The following USP6NL variants were observed in gnomAD, a reference collection of about 807,000 sequenced individuals.
The protein encoded by USP6NL is USP6 N-terminal-like protein.
USP6NL carries 26 observed loss-of-function variants against 61.9 expected under a neutral mutation model. The observed-to-expected ratio is 0.42, with a 90% CI of 0.31 to 0.58. The LOEUF (loss-of-function observed/expected upper bound fraction) is 0.58, where lower values mean the gene tolerates loss of function less well. Ranked by LOEUF, USP6NL falls within the 20% of genes least tolerant of loss-of-function variation. USP6NL has a pLI of 0.16. For missense variants in USP6NL, 1,114 were observed against 1,034.3 expected (o/e 1.08, Z -1.06); for synonymous variants, 432 against 390.1 (o/e 1.11, Z -1.27).
At chr10:11,588,440 T>A (rs908528200) in intron 2 of USP6NL, among the ~76,000 whole-genome samples, 4 of 152,220 alleles carry the variant, frequency 2.6e-5, no homozygotes, top group Non-Finnish European at 5.9e-5. Flanking sequence ...GCATGATACA[T>A]GCAACCTACT....
At position 11,499,408 on chromosome 10, in the gene USP6NL, A is replaced by G. The variant is rs938966927; in HGVS notation, c.384+1693T>C. Among the ~76,000 whole-genome samples the G allele has an allele frequency of 2.0e-5, 3 of 152,232 alleles. No homozygotes were observed. Among genetic ancestry groups the G allele is most frequent in the East Asian group, 1.9e-4 (1 of 5,204 alleles). On this transcript the variant is annotated intron_variant, in intron 7 of 14. Transcript: ENST00000609104. This position sits in a 1 kb window ranked among gnomAD's most constrained non-coding sequence, Gnocchi z 4.5. ...ATTCTACATAGAAAAAGTCTAAAAT[A>G]TAACTGAAAATTAGAGTACTATTAG...
At chr10:11,471,944 G>A (rs928269378) in intron 14 of USP6NL, among the ~76,000 whole-genome samples, 13 of 149,086 alleles carry the variant, frequency 8.7e-5, no homozygotes, top group African/African-American at 3.2e-4. Flanking sequence ...CCTGCACATT[G>A]TGCACATGTA....
Position 11,518,224 on chromosome 10 carries a change from C to G in USP6NL, c.195+311G>C, listed in dbSNP as rs1835039432. Among the ~76,000 whole-genome samples, 2 of 152,166 alleles carry G rather than the reference C, an allele frequency of 1.3e-5. No individual in the cohort carries two copies. Among genetic ancestry groups the G allele is most frequent in the African/African-American group, 4.8e-5 (2 of 41,430 alleles). On this transcript the variant is annotated intron_variant, in intron 5 of 14. Transcript: ENST00000609104. The surrounding 1 kb of genome is among the most constrained non-coding windows in gnomAD (Gnocchi z 5.3). The stretch of plus-strand genomic sequence containing the variant: ...TTTAAAAATTACCTACCCAGAGAGG[C>G]TGATTTCACAGACTGAGGTGGGAGC...
In USP6NL at chr10:11,555,459, G is replaced by GT. The variant is rs1836669117; in HGVS notation, c.5-27893_5-27892insA. Among the ~76,000 whole-genome samples, 3 of 88,342 alleles carry GT rather than the reference G, an allele frequency of 3.4e-5. 1 individual carries two copies. The South Asian group carries it at 1.3e-3, about 39-fold the overall frequency. 58.0% of individuals were successfully genotyped at this position (88,342 alleles called of 152,430 possible). On this transcript the variant is annotated intron_variant, in intron 2 of 14. Transcript: ENST00000609104. ...ATATATATATATATATATAGAGAGA[G>GT]AGAGAGAGAGAAAGAGAGAGAGAGA...
chr10:11,479,575 T>C (rs948621867), intron 14 of USP6NL, among the ~76,000 whole-genome samples: 3 of 151,514 alleles, frequency 2.0e-5, no homozygotes, highest in African/African-American at 7.3e-5. Flanking sequence ...GTTTTTTTTT[T>C]TTTTGGTTTT....
Position 11,587,401 on chromosome 10 carries a change from T to C in USP6NL, c.4+10230A>G, listed in dbSNP as rs2133628681. Reference sequence around the variant, plus strand: ...TCCAAGTTAATCTTCTAGCTTTCACTATCCCTTGCAATTATTAAACTTTTA... The same window carrying C: ...TCCAAGTTAATCTTCTAGCTTTCACCATCCCTTGCAATTATTAAACTTTTA... On this transcript the variant is annotated intron_variant, in intron 2 of 14. Coordinates refer to ENST00000609104, the MANE Select transcript of USP6NL (RefSeq NM_014688.5). The surrounding 1 kb of genome is among the most constrained non-coding windows in gnomAD (Gnocchi z 4.5). Among the ~76,000 whole-genome samples the C allele has an allele frequency of 6.6e-6, 1 of 152,098 alleles. No individual in the cohort carries two copies. The highest frequency in any genetic ancestry group is 2.4e-5 in the African/African-American group (1 of 41,544).
rs577606267 is a variant in USP6NL at position 11,470,007 on chromosome 10, A to G, written c.1079-6158T>C. Among the ~76,000 whole-genome samples the G allele has an allele frequency of 6.6e-6, 1 of 152,338 alleles. No homozygotes were observed. Among genetic ancestry groups the G allele is most frequent in the African/African-American group, 2.4e-5 (1 of 41,574 alleles). ...GTGTAATATTCTCAGAAATTCCACA[A>G]TGAGCAGTGTATATACAGCTTACGT... On this transcript the variant is annotated intron_variant, in intron 14 of 14. Coordinates refer to ENST00000609104, the MANE Select transcript of USP6NL (RefSeq NM_014688.5). This position sits in a 1 kb window ranked among gnomAD's most constrained non-coding sequence, Gnocchi z 5.4.
Position 11,579,231 on chromosome 10 carries a change from T to C in USP6NL, c.4+18400A>G, listed in dbSNP as rs17150581. 4.2e-4 allele frequency among the ~76,000 whole-genome samples: 64 copies of C among 152,352 alleles called. 1 individual carries two copies. In the South Asian group the frequency reaches 0.011, roughly 26 times the overall value. ...ACCAATTTTGAGTTGACAGGGCAGG[T>C]TGCAATACAGAATCAGGAACCAGGC... On this transcript the variant is annotated intron_variant, in intron 2 of 14. Transcript: ENST00000609104.
intron 2 of USP6NL, among the ~76,000 whole-genome samples, chr10:11,549,685 C>T (rs550829688): frequency 7.2e-5 from 11 of 152,260 alleles, no homozygotes; most frequent in African/African-American, 2.6e-4. Flanking sequence ...ATCAAGCCCA[C>T]ATTTAATATG....
chr10:11,565,037 A>G (rs1307916341), intron 2 of USP6NL: 2 of 152,212 alleles, frequency 1.3e-5, no homozygotes, highest in Non-Finnish European at 2.9e-5. Flanking sequence ...TACACCACAG[A>G]TAGTCATCAT....
In USP6NL at chr10:11,491,415, T is replaced by C. The variant is rs547906970; in HGVS notation, c.495-535A>G. ...CTCTAGAGATCCACTAGCAAAGCGT[T>C]TGCTTCTTGGCCCTGCAAGCTTGGG... On this transcript the variant is annotated intron_variant, in intron 8 of 14. Coordinates refer to ENST00000609104, the MANE Select transcript of USP6NL (RefSeq NM_014688.5). The surrounding 1 kb of genome is among the most constrained non-coding windows in gnomAD (Gnocchi z 4.7). Among the ~76,000 whole-genome samples, 5 of 152,236 alleles carry C rather than the reference T, an allele frequency of 3.3e-5. No individual in the cohort carries two copies. Among genetic ancestry groups the C allele is most frequent in the Non-Finnish European group, 5.9e-5 (4 of 68,032 alleles).
In USP6NL at chr10:11,574,386, G is replaced by A. The variant is rs1837468553; in HGVS notation, c.4+23245C>T. 6.6e-6 allele frequency among the ~76,000 whole-genome samples: 1 copy of A among 152,154 alleles called. No individual in the cohort carries two copies. The highest frequency in any genetic ancestry group is 2.4e-5 in the African/African-American group (1 of 41,422). ...ACACTAGAAATTCCCATAGGAGTCT[G>A]TAAATTCAATGGTCTCAACATCCAG... is the stretch of plus-strand genomic sequence containing the variant. On this transcript the variant is annotated intron_variant, in intron 2 of 14. Transcript: ENST00000609104. The surrounding 1 kb of genome is among the most constrained non-coding windows in gnomAD (Gnocchi z 4.3).
chr10:11,569,490 G>T (rs1290736332), intron 2 of USP6NL, among the ~76,000 whole-genome samples: 1 of 152,142 alleles, frequency 6.6e-6, no homozygotes, highest in African/African-American at 2.4e-5. Context: ...AGTAATAGAA[G>T]CAAAAGCAAA....
At position 11,578,526 on chromosome 10, in the gene USP6NL, C is replaced by T. The variant is rs1322544629; in HGVS notation, c.4+19105G>A. Among the ~76,000 whole-genome samples the T allele has an allele frequency of 2.6e-5, 4 of 152,134 alleles. No individual in the cohort carries two copies. The East Asian group carries it at 7.7e-4, about 29-fold the overall frequency. On this transcript the variant is annotated intron_variant, in intron 2 of 14. Coordinates refer to ENST00000609104, the MANE Select transcript of USP6NL (RefSeq NM_014688.5). ...GGCAAAGGCGGAAGGATCCCTTGAG[C>T]CCAGGAGTTTGAGGCTGCAATGAGC...
rs1200432907 is a variant in USP6NL, at chr10:11,540,698, G to A, written c.5-13131C>T. Among the ~76,000 whole-genome samples, 2 of 152,118 alleles carry A rather than the reference G, an allele frequency of 1.3e-5. No individual in the cohort carries two copies. The highest frequency in any genetic ancestry group is 2.4e-5 in the African/African-American group (1 of 41,420). On this transcript the variant is annotated intron_variant, in intron 2 of 14. Coordinates refer to ENST00000609104, the MANE Select transcript of USP6NL (RefSeq NM_014688.5). The surrounding 1 kb of genome is among the most constrained non-coding windows in gnomAD (Gnocchi z 5.0). ...AACTAATTCCACAGGCAGTGGTAAC[G>A]ATCAACCCAATGGTAACATTTCTAC... is the stretch of plus-strand genomic sequence containing the variant.
rs1278149794 is a variant in USP6NL, at chr10:11,562,544, ACT to A, written c.5-34979_5-34978del. On this transcript the variant is annotated intron_variant, in intron 2 of 14. Transcript: ENST00000609104. The surrounding 1 kb of genome is among the most constrained non-coding windows in gnomAD (Gnocchi z 4.8). ...AAGACATTGCTTGGCCACTGTGACT[ACT>A]CTGAGTCTAGCTAGCCTGGACTGTT... 3 of 985,218 alleles carry A rather than the reference ACT, an allele frequency of 3.0e-6. No individual in the cohort carries two copies. Among genetic ancestry groups the A allele is most frequent in the Non-Finnish European group, 3.6e-6 (3 of 829,912 alleles). The allele number at this position is 985,218 out of a possible 1,614,324, so 61.0% of individuals were successfully genotyped here.
Position 11,513,876 on chromosome 10 carries a change from A to G in USP6NL, c.196-4201T>C, listed in dbSNP as rs1028725882. ...CATTGCCTTTGCTGGCAGGTCCCCAAAGTGCCTTGGCCTTTGTCTCTGATG... is the reference window on the plus strand; with the variant it reads ...CATTGCCTTTGCTGGCAGGTCCCCAGAGTGCCTTGGCCTTTGTCTCTGATG... On this transcript the variant is annotated intron_variant, in intron 5 of 14. Coordinates refer to ENST00000609104, the MANE Select transcript of USP6NL (RefSeq NM_014688.5). This position sits in a 1 kb window ranked among gnomAD's most constrained non-coding sequence, Gnocchi z 4.7. Among the ~76,000 whole-genome samples, 3 of 152,154 alleles carry G rather than the reference A, an allele frequency of 2.0e-5. No individual in the cohort carries two copies. Among genetic ancestry groups the G allele is most frequent in the Non-Finnish European group, 4.4e-5 (3 of 68,028 alleles).
rs1042667157 is a variant in USP6NL, at chr10:11,489,932, A to C, written c.544-710T>G. Among the ~76,000 whole-genome samples the C allele has an allele frequency of 6.6e-6, 1 of 152,256 alleles. No homozygotes were observed. Among genetic ancestry groups the C allele is most frequent in the African/African-American group, 2.4e-5 (1 of 41,466 alleles). On this transcript the variant is annotated intron_variant, in intron 9 of 14. Coordinates refer to ENST00000609104, the MANE Select transcript of USP6NL (RefSeq NM_014688.5). The surrounding 1 kb of genome is among the most constrained non-coding windows in gnomAD (Gnocchi z 5.7). ...AATCTGAGCCGCAGTATAACTGGCC[A>C]GTAGGCAAAGGAAGCAATCTGGAGA... is the stretch of plus-strand genomic sequence containing the variant.
At position 11,583,184 on chromosome 10, in the gene USP6NL, A is replaced by ATT. The variant is rs11432382; in HGVS notation, c.4+14445_4+14446dup. Reference sequence around the variant, plus strand: ...TAATTTACATATTATTATGTTTTCAATTTTTTTTTTTTTTTTTTCCCTGAG... The same window carrying ATT: ...TAATTTACATATTATTATGTTTTCAATTTTTTTTTTTTTTTTTTTTCCCTGAG... On this transcript the variant is annotated intron_variant, in intron 2 of 14. Coordinates refer to ENST00000609104, the MANE Select transcript of USP6NL (RefSeq NM_014688.5). Among the ~76,000 whole-genome samples, 179 of 133,580 alleles carry ATT rather than the reference A, an allele frequency of 1.3e-3. 3 individuals carry two copies. The highest frequency in any genetic ancestry group is 5.8e-3 in the Admixed American group (74 of 12,780). 87.6% of individuals were successfully genotyped at this position (133,580 alleles called of 152,430 possible).
Sources: gnomAD v4.1 joint callset for allele counts (sites outside exome capture counted in the v4.1 genomes callset) on GRCh38, gnomAD v4.1.1 for gene constraint, Gnocchi (gnomAD v3.1) non-coding constraint, MANE v1.5 for transcripts, NCBI Gene and HGNC (gene_info 2026-07-23, HGNC 2026-07-21) for gene names.